Variants in SMIM41 observed in about 807,000 individuals in gnomAD.
The protein encoded by SMIM41 is small integral membrane protein 41.
chr12:52,087,240 C>T (rs569110219), intron 2 of SMIM41, among the ~76,000 whole-genome samples: 1 of 152,242 alleles, frequency 6.6e-6, no homozygotes, highest in Non-Finnish European at 1.5e-5. Flanking sequence ...CTCCTTAACT[C>T]GATTCTTCAG....
At chr12:52,094,081 A>G (rs1398337432) in intron 2 of SMIM41, among the ~76,000 whole-genome samples, 1 of 149,564 alleles carries the variant, frequency 6.7e-6, no homozygotes, top group Non-Finnish European at 1.5e-5. Context: ...CAGTGAGCTG[A>G]GATTGCACCA....
At chr12:52,102,379 G>A (rs1254565065) in intron 2 of SMIM41, among the ~76,000 whole-genome samples, 2 of 152,104 alleles carry the variant, frequency 1.3e-5, no homozygotes, top group African/African-American at 4.8e-5. Flanking sequence ...TAGATTCCTT[G>A]GATTACATCT....
chr12:52,090,056 G>GTTTGT (rs1555172059), intron 2 of SMIM41, among the ~76,000 whole-genome samples: 1 of 151,368 alleles, frequency 6.6e-6, no homozygotes, highest in African/African-American at 2.4e-5. Context: ...CCAAGAAGGT[G>GTTTGT]TTGTTTGTTT....
intron 2 of SMIM41, among the ~76,000 whole-genome samples, chr12:52,090,742 C>A (rs1229090591): frequency 1.3e-5 from 2 of 152,218 alleles, no homozygotes; most frequent in Admixed American, 1.3e-4. Context: ...AGAGGAAAGA[C>A]TGGGCAGCCA....
At chr12:52,082,884 G>C (rs1939838533) in intron 1 of SMIM41, among the ~76,000 whole-genome samples, 1 of 152,202 alleles carries the variant, frequency 6.6e-6, no homozygotes, top group African/African-American at 2.4e-5. Context: ...TCGTCTGCCA[G>C]CAAGAGAGCC....
chr12:52,095,343 G>A, intron 2 of SMIM41, among the ~76,000 whole-genome samples: 1 of 151,516 alleles, frequency 6.6e-6, no homozygotes, highest in East Asian at 1.9e-4. Flanking sequence ...GCGATTCGGG[G>A]AGTAATATCA....
chr12:52,099,815 AG>A (rs35634130), intron 2 of SMIM41, among the ~76,000 whole-genome samples: 39,861 of 151,822 alleles, frequency 0.26, 6,160 homozygotes, highest in East Asian at 0.57. Flanking sequence ...ATATCACAGG[AG>A]GGATGTGCAC....
chr12:52,090,999 CTTGTTT>C (rs539596426), intron 2 of SMIM41, among the ~76,000 whole-genome samples: 75 of 152,272 alleles, frequency 4.9e-4, no homozygotes, highest in African/African-American at 1.8e-3. Context: ...TCTCTCCTTT[CTTGTTT>C]TTGTTTTTGT....
chr12:52,085,842 G>A (rs564424618), intron 2 of SMIM41, among the ~76,000 whole-genome samples: 24 of 152,320 alleles, frequency 1.6e-4, no homozygotes, highest in African/African-American at 5.3e-4. Context: ...AACAGATGCT[G>A]GGTGGCCATG....
At chr12:52,091,880 G>A (rs1365873442) in intron 2 of SMIM41, 2 of 152,238 alleles carry the variant, frequency 1.3e-5, no homozygotes, top group African/African-American at 4.8e-5. Context: ...AGGGCAGTTG[G>A]TAGACTTACA....
intron 2 of SMIM41, among the ~76,000 whole-genome samples, chr12:52,105,169 C>T (rs1401156346): frequency 1.3e-5 from 2 of 152,192 alleles, no homozygotes; most frequent in Non-Finnish European, 2.9e-5. Flanking sequence ...TGTGCCCTTC[C>T]TTTTGGGGGT....
intron 1 of SMIM41, chr12:52,082,140 G>A (rs566395517): frequency 6.6e-6 from 1 of 152,516 alleles, no homozygotes; most frequent in South Asian, 2.1e-4. Context: ...CCTGAGGGGG[G>A]ATGGGCTTAG....
At chr12:52,098,110 C>G (rs571026752) in intron 2 of SMIM41, among the ~76,000 whole-genome samples, 75 of 152,182 alleles carry the variant, frequency 4.9e-4, no homozygotes, top group African/African-American at 1.8e-3. Context: ...TCCTGTGCCT[C>G]CCTGGATATG....
intron 1 of SMIM41, among the ~76,000 whole-genome samples, chr12:52,082,978 T>C (rs1939839854): frequency 6.6e-6 from 1 of 152,122 alleles, no homozygotes; most frequent in Non-Finnish European, 1.5e-5. Context: ...ATACCTGGCT[T>C]GTGGTGAGAC....
At chr12:52,092,699 A>G (rs1940025184) in intron 2 of SMIM41, 1 of 152,358 alleles carries the variant, frequency 6.6e-6, no homozygotes, top group Non-Finnish European at 1.5e-5. Flanking sequence ...GAAGAGTAGA[A>G]CAATTTTAGA....
chr12:52,095,354 C>A (rs1181842003), intron 2 of SMIM41, among the ~76,000 whole-genome samples: 2 of 151,738 alleles, frequency 1.3e-5, no homozygotes, highest in East Asian at 1.9e-4. Flanking sequence ...AGTAATATCA[C>A]CCCCCTCTCC....
chr12:52,079,983 G>C lies in SMIM41; in HGVS notation c.204G>C (p.Leu68=), dbSNP rs1214794677. 1 of 380,940 alleles carries C rather than the reference G, an allele frequency of 2.6e-6. No individual in the cohort carries two copies. The highest frequency in any genetic ancestry group is 2.1e-5 in the African/African-American group (1 of 47,806). 23.6% of individuals were successfully genotyped at this position (380,940 alleles called of 1,614,324 possible). A position where few individuals can be genotyped will look rare whatever the true frequency, so the allele number is the denominator to read the frequency against. The change falls in exon 1 of 3, where the codon CTG becomes CTC. Residue 68 remains leucine, a synonymous_variant. Coordinates refer to ENST00000546390, the MANE Select transcript of SMIM41 (RefSeq NM_001369216.1). ...LLLRAQGLTA[L]LTREQRASRE... is the part of the protein sequence containing the mutation. ...TCCGCGCCCAGGGCCTGACAGCGCT[G>C]CTGACCCGCGAGCAGCGCGCGTCCC...
At chr12:52,098,507 T>A (rs1179088799) in intron 2 of SMIM41, among the ~76,000 whole-genome samples, 1 of 5,910 alleles carries the variant, frequency 1.7e-4, no homozygotes, top group Non-Finnish European at 3.3e-4. Context: ...AAGAACAATA[T>A]CGTGGGGGGG....
chr12:52,101,905 G>GA (rs1940224447), intron 2 of SMIM41, among the ~76,000 whole-genome samples: 1 of 152,080 alleles, frequency 6.6e-6, no homozygotes, highest in Non-Finnish European at 1.5e-5. Context: ...AGAGACGGGG[G>GA]TTTTTCCCTG....
Sources: gnomAD v4.1 joint callset for allele counts (sites outside exome capture counted in the v4.1 genomes callset) on GRCh38, gnomAD v4.1.1 for gene constraint, MANE v1.5 for transcripts, NCBI Gene and HGNC (gene_info 2026-07-23, HGNC 2026-07-21) for gene names.